Variants in ANK3 observed in about 807,000 individuals in gnomAD.
ANK3 encodes the protein ankyrin 3.
In ANK3, 57 loss-of-function variants were observed where a neutral mutation model predicts 370.9. The observed-to-expected ratio is 0.15, with a 90% confidence interval of 0.12 to 0.19. The LOEUF is 0.19. ANK3 is among the 10% of genes least tolerant of loss of function. The probability of loss-of-function intolerance (pLI) is 1.00; values close to 1 mark genes in which losing one functional copy is unlikely to be tolerated. For missense variants in ANK3, 4,439 were observed against 5,302.1 expected (o/e 0.84, Z 5.06); for synonymous variants, 1,929 against 1,946.3 (o/e 0.99, Z 0.23).
intron 23 of ANK3, chr10:60,141,121 T>A: frequency 1.5e-6 from 1 of 674,904 alleles, no homozygotes. Flanking sequence ...AAACTGGGGC[T>A]AAGGAAAGCA....
At chr10:60,418,277 C>T (rs1007611036) in intron 2 of ANK3, among the ~76,000 whole-genome samples, 1 of 152,150 alleles carries the variant, frequency 6.6e-6, no homozygotes, top group Non-Finnish European at 1.5e-5. Flanking sequence ...AATAAATATA[C>T]ACCACACTGA....
intron 1 of ANK3, among the ~76,000 whole-genome samples, chr10:60,716,850 G>T (rs2132020740): frequency 6.6e-6 from 1 of 152,196 alleles, no homozygotes; most frequent in Admixed American, 6.5e-5. Context: ...GCTGAGAGTG[G>T]AGATTTCCAT....
chr10:60,540,079 C>CTCCT (rs1380211167), intron 2 of ANK3, among the ~76,000 whole-genome samples: 1 of 151,838 alleles, frequency 6.6e-6, no homozygotes, highest in African/African-American at 2.4e-5. Context: ...AAATGACAGG[C>CTCCT]TCCTTCACCT....
At chr10:60,218,097 C>CTTTTTTTTTTTTTTTTTTTTTT (rs199989242) in intron 8 of ANK3, among the ~76,000 whole-genome samples, 3 of 126,172 alleles carry the variant, frequency 2.4e-5, no homozygotes, top group African/African-American at 6.4e-5. Flanking sequence ...CTTTTTCTTT[C>CTTTTTTTTTTTTTTTTTTTTTT]TTTTTTTTTT....
rs78332055 is a variant in ANK3, at chr10:60,064,553, C to T, written c.12320-265G>A. On this transcript the variant is annotated intron_variant, in intron 38 of 43. Transcript: ENST00000280772. Reference sequence around the variant, plus strand: ...TAAAGATTTTTAGACTTAGGCTGGGCACAGTGGCCCATACCTATAATCCCA... The same window carrying T: ...TAAAGATTTTTAGACTTAGGCTGGGTACAGTGGCCCATACCTATAATCCCA... 5.4e-3 allele frequency among the ~76,000 whole-genome samples: 827 copies of T among 152,132 alleles called. 7 individuals are homozygous for T. Among genetic ancestry groups the T allele is most frequent in the African/African-American group, 0.019 (798 of 41,496 alleles).
At chr10:60,395,892 G>T (rs898305862) in intron 2 of ANK3, among the ~76,000 whole-genome samples, 1 of 152,108 alleles carries the variant, frequency 6.6e-6, no homozygotes, top group Non-Finnish European at 1.5e-5. Flanking sequence ...ATGGGGTAAC[G>T]TAAAACAGAA....
In ANK3 at chr10:60,690,520, G is replaced by A. The variant is rs546127812; in HGVS notation, c.57+42743C>T. Among the ~76,000 whole-genome samples the A allele has an allele frequency of 2.6e-5, 4 of 151,942 alleles. No individual in the cohort carries two copies. In the East Asian group the frequency reaches 7.7e-4, roughly 29 times the overall value. On this transcript the variant is annotated intron_variant, in intron 1 of 43. Coordinates refer to the ANK3 transcript ENST00000373827. ...GCAATGTTTTTTTCCCTAAGTTTTA[G>A]AAAACTTAAAACTTAATACTTAATA...
chr10:60,373,031 G>C (rs1313741795), intron 1 of ANK3, among the ~76,000 whole-genome samples: 3 of 152,154 alleles, frequency 2.0e-5, no homozygotes, highest in African/African-American at 7.2e-5. Context: ...TTGAAATCAT[G>C]TTTGTCATCT....
intron 1 of ANK3, among the ~76,000 whole-genome samples, chr10:60,637,279 C>T (rs1342939512): frequency 2.6e-5 from 4 of 152,180 alleles, no homozygotes; most frequent in Admixed American, 2.6e-4. Context: ...CATCTCTCTT[C>T]ATAACTCACT....
intron 2 of ANK3, among the ~76,000 whole-genome samples, chr10:60,402,032 G>T (rs1437853653): frequency 6.6e-6 from 1 of 152,070 alleles, no homozygotes; most frequent in Non-Finnish European, 1.5e-5. Context: ...GACAGAATGG[G>T]GACCGGGAGA....
intron 1 of ANK3, among the ~76,000 whole-genome samples, chr10:60,623,109 C>A (rs184945366): frequency 1.1e-4 from 17 of 152,220 alleles, no homozygotes; most frequent in Non-Finnish European, 2.9e-5. Context: ...GGTCTTCCCC[C>A]AGAAGGTAGG....
At chr10:60,531,952 G>T (rs964381709) in intron 2 of ANK3, among the ~76,000 whole-genome samples, 1 of 152,102 alleles carries the variant, frequency 6.6e-6, no homozygotes, top group African/African-American at 2.4e-5. Context: ...GCACCATCCA[G>T]ATCAGTAATT....
chr10:60,717,071 C>A (rs2079801296), intron 1 of ANK3, among the ~76,000 whole-genome samples: 1 of 152,168 alleles, frequency 6.6e-6, no homozygotes, highest in Non-Finnish European at 1.5e-5. Context: ...CGGTATTCCA[C>A]ATTTTACTTT....
intron 23 of ANK3, among the ~76,000 whole-genome samples, chr10:60,147,226 G>A (rs1273833386): frequency 6.6e-6 from 1 of 152,158 alleles, no homozygotes; most frequent in Non-Finnish European, 1.5e-5. Flanking sequence ...GCCTTGCACT[G>A]GTGATGCTGC....
At chr10:60,127,205 G>A (rs2093807919) in intron 25 of ANK3, among the ~76,000 whole-genome samples, 2 of 152,180 alleles carry the variant, frequency 1.3e-5, no homozygotes, top group South Asian at 4.1e-4. Context: ...GATGGGCTCA[G>A]ATTTCACTTT....
At chr10:60,287,884 T>C (rs903105187) in intron 1 of ANK3, among the ~76,000 whole-genome samples, 6 of 152,298 alleles carry the variant, frequency 3.9e-5, no homozygotes, top group African/African-American at 1.4e-4. Context: ...CCAATAGGTC[T>C]ACTCTTATCT....
At chr10:60,235,817 C>T (rs2097323985) in intron 7 of ANK3, among the ~76,000 whole-genome samples, 1 of 152,102 alleles carries the variant, frequency 6.6e-6, no homozygotes, top group Admixed American at 6.5e-5. Flanking sequence ...ATAACAGAAA[C>T]AATATAGTAG....
At chr10:60,413,289 T>A (rs1203538309) in intron 2 of ANK3, among the ~76,000 whole-genome samples, 1 of 152,232 alleles carries the variant, frequency 6.6e-6, no homozygotes, top group African/African-American at 2.4e-5. Flanking sequence ...GAAGAATTCA[T>A]GAAATGAATG....
At chr10:60,229,803 CTT>C (rs2097213480) in intron 8 of ANK3, among the ~76,000 whole-genome samples, 1 of 152,096 alleles carries the variant, frequency 6.6e-6, no homozygotes, top group South Asian at 2.1e-4. Context: ...TCAGCAAACA[CTT>C]ATTAGGCATT....
Sources: gnomAD v4.1 joint callset for allele counts (sites outside exome capture counted in the v4.1 genomes callset) on GRCh38, gnomAD v4.1.1 for gene constraint, MANE v1.5 for transcripts, NCBI Gene and HGNC (gene_info 2026-07-23, HGNC 2026-07-21) for gene names.